DDX11: variants seen among roughly 807,000 people sequenced by gnomAD.
DDX11 encodes ATP-dependent DNA helicase DDX11.
Under a neutral mutation model 125.2 loss-of-function variants are expected in DDX11, and 72 were observed. The ratio of observed to expected loss-of-function variants is 0.58; its 90% CI spans 0.48 to 0.70. The LOEUF (loss-of-function observed/expected upper bound fraction) is 0.70, where lower values mean the gene tolerates loss of function less well. Ranked by LOEUF, DDX11 falls within the 30% of genes least tolerant of loss-of-function variation. DDX11 has a pLI of 0.00. For synonymous variants in DDX11, 347 were observed against 452.6 expected, an observed-to-expected ratio of 0.77 and a Z score of 2.96; for missense variants, 883 against 1,165.0, an observed-to-expected ratio of 0.76 and a Z score of 3.52.
intron 13 of DDX11, 59 bp downstream of exon 13, chr12:31,094,693 C>G: frequency 6.4e-7 from 1 of 1,561,082 alleles, no homozygotes; most frequent in Non-Finnish European, 8.7e-7. Context: ...GAGCTTAACC[C>G]TGGGACTGAA....
At chr12:31,076,383 T>C (rs4931424) in intron 1 of DDX11, among the ~76,000 whole-genome samples, 81,595 of 151,830 alleles carry the variant, frequency 0.54, 23,161 homozygotes, top group East Asian at 0.82. Flanking sequence ...CCTTGCAGCT[T>C]GTAGTCTGCC....
Position 31,089,462 on chromosome 12 carries a change from C to T in DDX11, c.852C>T (p.Arg284=), listed in dbSNP as rs1295925851. 3 of 1,613,808 alleles carry T rather than the reference C, an allele frequency of 1.9e-6. No individual in the cohort carries two copies. In the East Asian group the frequency reaches 6.7e-5, roughly 36 times the overall value. Residue 284 remains arginine, a synonymous_variant, in exon 8 of 27, where the codon CGC becomes CGT. Coordinates refer to ENST00000542838, the MANE Select transcript of DDX11 (RefSeq NM_030653.4). ...SLGSVQLIND[R]CVDMQRSRHE... ...GTTCTGTGCAGCTTATCAACGACCG[C>T]TGTGTGGACATGCAGAGAAGCAGGC...
In DDX11 at chr12:31,103,610, G is replaced by A; in HGVS notation, c.2570G>A (p.Ser857Asn). The A allele has an allele frequency of 1.2e-6, 2 of 1,614,050 alleles. No individual in the cohort carries two copies. The highest frequency in any genetic ancestry group is 1.7e-6 in the Non-Finnish European group (2 of 1,179,950). ...RAIRHQKDFA[S>N]VVLLDQRYAR... ...ATCAGGCACCAGAAGGATTTTGCCA[G>A]CGTAGTGCTCCTGGACCAGCGATAT... The change falls in exon 26 of 27, where the codon AGC (serine) becomes AAC (asparagine). Residue 857 changes from serine (S) to asparagine (N), a missense_variant. This residue lies in a region of DDX11 where 285 missense variants were observed against 346.0 expected (regional missense o/e 0.82). Coordinates refer to ENST00000542838, the MANE Select transcript of DDX11 (RefSeq NM_030653.4).
intron 18 of DDX11, among the ~76,000 whole-genome samples, chr12:31,099,080 C>CTTTTGTTTTTTTTTTTTTTTTTT (rs1467965765): frequency 1.2e-5 from 1 of 81,328 alleles, no homozygotes; most frequent in Non-Finnish European, 2.2e-5. Flanking sequence ...TTCTTTCTTT[C>CTTTTGTTTTTTTTTTTTTTTTTT]TTTCTTTTTT....
intron 2 of DDX11, among the ~76,000 whole-genome samples, chr12:31,080,119 A>G (rs74087920): frequency 0.49 from 62,364 of 127,320 alleles, 16,870 homozygotes; most frequent in East Asian, 0.8. Context: ...TCTGCAGGGC[A>G]CTGGCTGTGG....
intron 18 of DDX11, among the ~76,000 whole-genome samples, chr12:31,098,306 A>G (rs61918662): frequency 0.03 from 2,944 of 97,890 alleles, no homozygotes; most frequent in Admixed American, 0.043. Context: ...TAAAAGGTTC[A>G]TTTTGATGTA....
rs189314887 is a variant in DDX11, at chr12:31,093,180, C to G, written c.1290-65C>G. 32,054 of 1,515,510 alleles carry G rather than the reference C, an allele frequency of 0.021. 2,271 individuals carry two copies. In the East Asian group the frequency reaches 0.22, roughly 10 times the overall value. 93.9% of individuals were successfully genotyped at this position (1,515,510 alleles called of 1,614,324 possible). A position where few individuals can be genotyped will look rare whatever the true frequency, so the allele number is the denominator to read the frequency against. ...GAGGCACCGGGCAGCAAGGCTTCCA[C>G]TGGGGTGGGCGGGGCGAGTCGCCAT... On this transcript the variant is annotated intron_variant, in intron 11 of 26. Transcript: ENST00000542838.
At chr12:31,089,274 C>T (rs1565878956) in intron 7 of DDX11, 123 bp downstream of exon 7, 2 of 1,351,046 alleles carry the variant, frequency 1.5e-6, no homozygotes, top group Non-Finnish European at 2.1e-6. Flanking sequence ...GAGGAGCAGC[C>T]CCCTCCCTGA....
chr12:31,077,674 C>T (rs540522036), intron 1 of DDX11, among the ~76,000 whole-genome samples: 3 of 151,838 alleles, frequency 2.0e-5, no homozygotes, highest in East Asian at 1.9e-4. Context: ...GGTGAAACCC[C>T]GTCTCTACCA....
At chr12:31,087,837 G>T in intron 5 of DDX11, 101 bp from the exon 6 acceptor site, 1 of 1,515,170 alleles carries the variant, frequency 6.6e-7, no homozygotes, top group South Asian at 1.2e-5. Context: ...ACCCATTGCT[G>T]GGAATGGCCA....
At chr12:31,077,919 T>G in intron 1 of DDX11, 1 of 321,344 alleles carries the variant, frequency 3.1e-6, no homozygotes, top group East Asian at 7.9e-5. Flanking sequence ...CTTATGGTCC[T>G]CTGCCTGTGC....
In DDX11 at chr12:31,103,630, C is replaced by A. The variant is rs970918024; in HGVS notation, c.2590C>A (p.Arg864=). ...DFASVVLLDQ[R]YARPPVLAKL... Reference sequence around the variant, plus strand: ...TGCCAGCGTAGTGCTCCTGGACCAGCGATATGCCCGGCCCCCTGTCCTGGC... The same window carrying A: ...TGCCAGCGTAGTGCTCCTGGACCAGAGATATGCCCGGCCCCCTGTCCTGGC... The change falls in exon 26 of 27, where the codon CGA becomes AGA. Residue 864 remains arginine (R), a synonymous_variant. Transcript: ENST00000542838. 1 of 1,613,958 alleles carries A rather than the reference C, an allele frequency of 6.2e-7. No individual in the cohort carries two copies. Among genetic ancestry groups the A allele is most frequent in the Non-Finnish European group, 8.5e-7 (1 of 1,180,022 alleles).
In DDX11 at chr12:31,087,992, A is replaced by G. The variant is rs1174154133; in HGVS notation, c.684+9A>G. 4.4e-6 allele frequency: 7 copies of G among 1,607,210 alleles called. No individual in the cohort carries two copies. The highest frequency in any genetic ancestry group is 5.9e-6 in the Non-Finnish European group (7 of 1,177,332). ...AAGAACACATAACTAAGGTAACACA[A>G]GTGTCCTCAGCTGGTGCTGTGCTGG... On this transcript the variant is annotated intron_variant, in intron 6 of 26. Transcript: ENST00000542838.
intron 18 of DDX11, among the ~76,000 whole-genome samples, chr12:31,098,224 A>G (rs1455721827): frequency 6.6e-6 from 1 of 152,272 alleles, no homozygotes; most frequent in Non-Finnish European, 1.5e-5. Context: ...CTGTAGCCCC[A>G]GGATCACATG....
chr12:31,099,084 C>CTTTTTTTTTTTTTT (rs763612105), intron 18 of DDX11, among the ~76,000 whole-genome samples: 79 of 63,714 alleles, frequency 1.2e-3, no homozygotes, highest in Admixed American at 3.7e-3. Flanking sequence ...TTCTTTCTTT[C>CTTTTTTTTTTTTTT]TTTTTTTTTT....
chr12:31,083,312 T>TTAAAAA (rs1555209754), intron 2 of DDX11, among the ~76,000 whole-genome samples: 2 of 128,940 alleles, frequency 1.6e-5, no homozygotes. Flanking sequence ...TTAGTTTGCT[T>TTAAAAA]AAAAAAAAAA....
chr12:31,096,528 G>A, intron 15 of DDX11, 109 bp from the exon 16 acceptor site: 6 of 1,587,888 alleles, frequency 3.8e-6, no homozygotes, highest in Non-Finnish European at 5.2e-6. Context: ...CTGGGGTGGT[G>A]GGATGTGTGC....
rs754655805 is a variant in DDX11 at position 31,092,887 on chromosome 12, A to T, written c.1284A>T (p.Arg428=). The part of the protein sequence containing the change: ...AHSQLLQYVE[R]YGKRLKAKNL... ...CCCAGCTGCTGCAGTACGTGGAGCG[A>T]TACGGGTGAGATGTGACCCTCTGAG... The change falls in exon 11 of 27, where the codon CGA becomes CGT. Residue 428 remains arginine (R), a synonymous_variant. Transcript: ENST00000542838. 6.2e-7 allele frequency: 1 copy of T among 1,614,010 alleles called. No homozygotes were observed. The highest frequency in any genetic ancestry group is 1.1e-5 in the South Asian group (1 of 91,078).
Position 31,101,100 on chromosome 12 carries a change from C to G in DDX11, c.2022C>G (p.Phe674Leu), listed in dbSNP as rs778827976. The G allele has an allele frequency of 8.1e-6, 13 of 1,614,084 alleles. No homozygotes were observed. The highest frequency in any genetic ancestry group is 2.7e-5 in the African/African-American group (2 of 74,946). ...CSGISNQPLE[F>L]TFQKRELPQM... is the part of the protein sequence containing the mutation. Reference sequence around the variant, plus strand: ...GGATCTCCAACCAGCCGCTGGAATTCACGTTCCAGAAAAGAGAGCTGCCTC... The same window carrying G: ...GGATCTCCAACCAGCCGCTGGAATTGACGTTCCAGAAAAGAGAGCTGCCTC... Residue 674 changes from phenylalanine (F) to leucine (L), a missense_variant, in exon 20 of 27, where the codon TTC becomes TTG. By Grantham distance (22) the Phe-to-Leu change is conservative. This residue lies in a region of DDX11 where 285 missense variants were observed against 346.0 expected (regional missense o/e 0.82). Transcript: ENST00000542838.
Sources: allele counts gnomAD v4.1 joint callset (sites outside exome capture counted in the v4.1 genomes callset), GRCh38; gene constraint gnomAD v4.1.1; regional missense constraint gnomAD v4.1.1; transcripts MANE v1.5; gene names NCBI Gene and HGNC (gene_info 2026-07-23, HGNC 2026-07-21).